Variants in PCDHGB1 observed in about 807,000 individuals in gnomAD.
PCDHGB1 encodes the protein protocadherin gamma-B1.
A neutral mutation model predicts 56.6 loss-of-function variants in PCDHGB1; 34 were observed. The observed-to-expected ratio is 0.60, with a 90% CI of 0.46 to 0.80. PCDHGB1 has a LOEUF of 0.80. Ranked by LOEUF, PCDHGB1 falls within the 30% of genes least tolerant of loss-of-function variation. PCDHGB1 has a pLI of 0.00. For synonymous variants in PCDHGB1, 561 were observed against 505.9 expected, an observed-to-expected ratio of 1.11 and a Z score of -1.46; for missense variants, 1,278 against 1,204.6, an observed-to-expected ratio of 1.06 and a Z score of -0.90.
At chr5:141,414,334 AC>A (rs1187631098) in intron 1 of PCDHGB1, 2 of 1,613,782 alleles carry the variant, frequency 1.2e-6, no homozygotes, top group South Asian at 2.2e-5. Context: ...TGGACAGGTA[AC>A]CTGTTCCATT....
intron 1 of PCDHGB1, chr5:141,371,737 A>G (rs762168645): frequency 6.2e-7 from 1 of 1,614,038 alleles, no homozygotes; most frequent in South Asian, 1.1e-5. Context: ...GTCAACGACA[A>G]CGTTCCCGTT....
intron 1 of PCDHGB1, among the ~76,000 whole-genome samples, chr5:141,481,031 C>G (rs926205148): frequency 1.3e-5 from 2 of 152,108 alleles, no homozygotes; most frequent in Non-Finnish European, 2.9e-5. Flanking sequence ...GCACTCCAGC[C>G]TGGGCGACAG....
chr5:141,487,848 G>C lies in PCDHGB1; in HGVS notation c.2410-6959G>C. ...TCATGCCTATATCTGAGTAAGAAAT[G>C]AAAGTAATTGGTGATCAAGAGCCAG... is the stretch of plus-strand genomic sequence containing the variant. On this transcript the variant is annotated intron_variant, in intron 1 of 3. Coordinates refer to ENST00000523390, the MANE Select transcript of PCDHGB1 (RefSeq NM_018922.3). The surrounding 1 kb of genome is among the most constrained non-coding windows in gnomAD (Gnocchi z 5.0). 1 of 1,022,244 alleles carries C rather than the reference G, an allele frequency of 9.8e-7. No homozygotes were observed. The highest frequency in any genetic ancestry group is 1.4e-6 in the Non-Finnish European group (1 of 711,992). The allele number at this position is 1,022,244 out of a possible 1,614,324, so 63.3% of individuals were successfully genotyped here. A position where few individuals can be genotyped will look rare whatever the true frequency, so the allele number is the denominator to read the frequency against.
At chr5:141,504,340 G>C (rs1240423982) in intron 2 of PCDHGB1, among the ~76,000 whole-genome samples, 1 of 152,062 alleles carries the variant, frequency 6.6e-6, no homozygotes, top group Non-Finnish European at 1.5e-5. Flanking sequence ...CAAGTGCTAG[G>C]CTTTGTGCTA....
Position 141,361,616 on chromosome 5 carries a change from G to A in PCDHGB1, c.2409+8947G>A, listed in dbSNP as rs1031903185. On this transcript the variant is annotated intron_variant, in intron 1 of 3. Coordinates refer to ENST00000523390, the MANE Select transcript of PCDHGB1 (RefSeq NM_018922.3). ...CAAGTTTCCTACTCCATCGTAGCGA[G>A]CGACCTGAAGCCGCGGGAGATTTTA... The A allele has an allele frequency of 1.4e-5, 22 of 1,613,858 alleles. No homozygotes were observed. The highest frequency in any genetic ancestry group is 1.7e-5 in the Non-Finnish European group (20 of 1,179,908).
At chr5:141,363,277 T>G (rs1254714580) in intron 1 of PCDHGB1, among the ~76,000 whole-genome samples, 3 of 152,270 alleles carry the variant, frequency 2.0e-5, no homozygotes, top group African/African-American at 7.2e-5. Context: ...GCTTTTGAAT[T>G]TCCTAATTAT....
At chr5:141,496,799 G>C (rs2099771487) in intron 2 of PCDHGB1, among the ~76,000 whole-genome samples, 1 of 151,912 alleles carries the variant, frequency 6.6e-6, no homozygotes, top group African/African-American at 2.4e-5. Context: ...TAAACATTGG[G>C]CTATAGGAGT....
intron 1 of PCDHGB1, among the ~76,000 whole-genome samples, chr5:141,401,212 G>A (rs2094128608): frequency 6.6e-6 from 1 of 151,930 alleles, no homozygotes; most frequent in Non-Finnish European, 1.5e-5. Context: ...TGTGGTGGCG[G>A]GCGCCTGTAA....
At chr5:141,376,288 G>T (rs753554580) in intron 1 of PCDHGB1, 1 of 1,614,216 alleles carries the variant, frequency 6.2e-7, no homozygotes, top group Non-Finnish European at 8.5e-7. Context: ...TAGCGAGCAT[G>T]CCCGGCTCGC....
intron 1 of PCDHGB1, among the ~76,000 whole-genome samples, chr5:141,457,898 A>T (rs1035775197): frequency 6.6e-6 from 1 of 151,874 alleles, no homozygotes; most frequent in Non-Finnish European, 1.5e-5. Context: ...GACTGTGTAG[A>T]CAAGGTGTGA....
intron 1 of PCDHGB1, chr5:141,372,843 T>C (rs1344316065): frequency 6.6e-7 from 1 of 1,510,382 alleles, no homozygotes; most frequent in East Asian, 2.3e-5. Flanking sequence ...TCCATAAATA[T>C]AATTGGGTTT....
At chr5:141,403,209 C>T (rs1247618991) in intron 1 of PCDHGB1, 2 of 1,613,982 alleles carry the variant, frequency 1.2e-6, no homozygotes, top group Admixed American at 1.7e-5. Context: ...ACCTTGGTCA[C>T]CGCGGGTAGG....
chr5:141,403,207 CACCGCGGGTAGGATAG>C, intron 1 of PCDHGB1: 1 of 1,613,966 alleles, frequency 6.2e-7, no homozygotes, highest in South Asian at 1.1e-5. Context: ...GCACCTTGGT[CACCGCGGGTAGGATAG>C]ACCGGGAGGA....
At chr5:141,365,935 C>T (rs1191838027) in intron 1 of PCDHGB1, 1 of 1,614,222 alleles carries the variant, frequency 6.2e-7, no homozygotes, top group Non-Finnish European at 8.5e-7. Context: ...TGACAGCCAG[C>T]GACAGTGGGA....
chr5:141,410,318 G>C, intron 1 of PCDHGB1: 6 of 1,613,982 alleles, frequency 3.7e-6, no homozygotes, highest in Non-Finnish European at 5.1e-6. Context: ...CTTCCTCCTC[G>C]CCGTGATTCT....
chr5:141,415,107 A>C (rs372656276), intron 1 of PCDHGB1: 12 of 1,613,634 alleles, frequency 7.4e-6, no homozygotes, highest in East Asian at 2.2e-5. Context: ...CGCTCAAGCA[A>C]AGCCTCGTAG....
At chr5:141,405,410 T>C (rs1483035668) in intron 1 of PCDHGB1, 2 of 1,557,296 alleles carry the variant, frequency 1.3e-6, no homozygotes, top group Non-Finnish European at 1.8e-6. Context: ...TTCTTTTCTT[T>C]TTTTGTTTTT....
At chr5:141,482,530 CAAAAAAA>C (rs3074545) in intron 1 of PCDHGB1, among the ~76,000 whole-genome samples, 2 of 76,560 alleles carry the variant, frequency 2.6e-5, no homozygotes, top group South Asian at 4.6e-4. Flanking sequence ...GACAGACATG[CAAAAAAA>C]AAAAAAAAAA....
intron 1 of PCDHGB1, among the ~76,000 whole-genome samples, chr5:141,438,702 C>A (rs1217378337): frequency 5.7e-5 from 8 of 140,876 alleles, no homozygotes; most frequent in Non-Finnish European, 4.6e-5. Flanking sequence ...GCTCTGTCAC[C>A]CAGGCTGGAG....
Sources: allele counts gnomAD v4.1 joint callset (sites outside exome capture counted in the v4.1 genomes callset), GRCh38; gene constraint gnomAD v4.1.1; non-coding constraint Gnocchi (gnomAD v3.1); transcripts MANE v1.5; gene names NCBI Gene and HGNC (gene_info 2026-07-23, HGNC 2026-07-21).